Variants in GRIK1 observed in about 807,000 individuals in gnomAD.
GRIK1 encodes glutamate receptor ionotropic, kainate 1.
A neutral mutation model predicts 105.7 loss-of-function variants in GRIK1; 69 were observed. The observed-to-expected ratio is 0.65, with a 90% CI of 0.54 to 0.80. GRIK1 has a LOEUF of 0.80. GRIK1 is among the 30% of genes least tolerant of loss of function. The pLI is 0.00. For synonymous variants in GRIK1, 438 were observed against 431.3 expected (o/e 1.02, Z -0.19); for missense variants, 1,109 against 1,167.3 (o/e 0.95, Z 0.73).
intron 16 of GRIK1, 112 bp from the exon 17 acceptor site, chr21:29,537,996 GT>G (rs2089909668): frequency 3.2e-6 from 2 of 626,130 alleles, no homozygotes; most frequent in African/African-American, 3.7e-5. Flanking sequence ...AAATAATGTG[GT>G]ACTGAACTTC....
intron 1 of GRIK1, among the ~76,000 whole-genome samples, chr21:29,752,063 A>C (rs1319319607): frequency 6.6e-6 from 1 of 152,260 alleles, no homozygotes; most frequent in African/African-American, 2.4e-5. Flanking sequence ...AATAGTCTCT[A>C]GAGCTAGGGC....
intron 1 of GRIK1, among the ~76,000 whole-genome samples, chr21:29,881,788 C>T (rs2069418489): frequency 6.6e-6 from 1 of 152,106 alleles, no homozygotes; most frequent in Admixed American, 6.6e-5. Context: ...ATATAAAAGA[C>T]TTTTTATATT....
At chr21:29,610,593 G>C (rs922031026) in intron 7 of GRIK1, among the ~76,000 whole-genome samples, 21 of 152,266 alleles carry the variant, frequency 1.4e-4, no homozygotes, top group Non-Finnish European at 2.9e-4. Flanking sequence ...AAAGGCAAGG[G>C]AACTGATTTC....
intron 1 of GRIK1, among the ~76,000 whole-genome samples, chr21:29,793,756 T>C (rs2066486251): frequency 6.6e-6 from 1 of 152,214 alleles, no homozygotes; most frequent in African/African-American, 2.4e-5. Flanking sequence ...TTCAAATAAA[T>C]ACATTAAATA....
intron 1 of GRIK1, among the ~76,000 whole-genome samples, chr21:29,719,631 T>TC (rs1052130276): frequency 9.2e-5 from 14 of 152,186 alleles, no homozygotes; most frequent in Admixed American, 9.2e-4. Context: ...ATGGTCATCA[T>TC]CCCCTGCCAG....
Position 29,577,131 on chromosome 21 carries a change from A to G in GRIK1, c.1963T>C (p.Trp655Arg). The G allele has an allele frequency of 1.2e-6, 2 of 1,612,714 alleles. No homozygotes were observed. Among genetic ancestry groups the G allele is most frequent in the Non-Finnish European group, 1.7e-6 (2 of 1,178,728 alleles). Residue 655 changes from tryptophan to arginine, a missense_variant, in exon 14 of 18, where the codon TGG (tryptophan) becomes CGG (arginine). Trp to Arg is a moderately radical substitution (Grantham distance 101). Coordinates refer to ENST00000327783, the MANE Select transcript of GRIK1 (RefSeq NM_001330994.2). ...ATGATGATTAGGGTGAAAAACCACC[A>G]TATCCCTCCAACTATTCTGGTCGAT... ...ALSTRIVGGI[W>R]WFFTLIIISS...
intron 1 of GRIK1, among the ~76,000 whole-genome samples, chr21:29,892,754 C>T (rs2069949786): frequency 6.6e-6 from 1 of 152,206 alleles, no homozygotes; most frequent in Non-Finnish European, 1.5e-5. Flanking sequence ...AGAAGCTCTT[C>T]CTTTTTCTTT....
Position 29,536,991 on chromosome 21 carries a change from TG to T in GRIK1, c.*238del, listed in dbSNP as rs1555896537. ...TTAGAAAGCACACACAACAATTTATTGGGGAAAAAGAAAAAATGCAAAATAA... is the reference window on the plus strand; with the variant it reads ...TTAGAAAGCACACACAACAATTTATTGGGAAAAAGAAAAAATGCAAAATAA... On this transcript the variant is annotated 3_prime_UTR_variant, in exon 18 of 18. Coordinates refer to ENST00000327783, the MANE Select transcript of GRIK1 (RefSeq NM_001330994.2). 7.3e-6 allele frequency: 2 copies of T among 275,066 alleles called. No individual in the cohort carries two copies. The highest frequency in any genetic ancestry group is 1.3e-5 in the Non-Finnish European group (2 of 148,548). The allele number at this position is 275,066 out of a possible 1,614,324, so 17.0% of individuals were successfully genotyped here.
intron 4 of GRIK1, among the ~76,000 whole-genome samples, chr21:29,670,505 G>C (rs145643534): frequency 6.6e-6 from 1 of 152,116 alleles, no homozygotes; most frequent in Non-Finnish European, 1.5e-5. Context: ...TGAAATAGAA[G>C]AGAAAATCTA....
chr21:29,642,227 G>C (rs1312047998), intron 7 of GRIK1, among the ~76,000 whole-genome samples: 1 of 152,162 alleles, frequency 6.6e-6, no homozygotes, highest in African/African-American at 2.4e-5. Context: ...GAAAAGAAAA[G>C]GTGGAGGACA....
chr21:29,752,438 C>T (rs1028709917), intron 1 of GRIK1, among the ~76,000 whole-genome samples: 6 of 152,176 alleles, frequency 3.9e-5, no homozygotes, highest in African/African-American at 4.8e-5. Context: ...CAAAAGAGAA[C>T]GTCTGCTTCT....
chr21:29,702,650 G>T (rs1258660493), intron 1 of GRIK1, among the ~76,000 whole-genome samples: 1 of 152,192 alleles, frequency 6.6e-6, no homozygotes, highest in East Asian at 1.9e-4. Flanking sequence ...GGCGGAGGTT[G>T]CAGTGAGCCG....
intron 1 of GRIK1, among the ~76,000 whole-genome samples, chr21:29,845,433 G>C (rs956586665): frequency 2.6e-5 from 4 of 152,050 alleles, no homozygotes; most frequent in African/African-American, 9.7e-5. Flanking sequence ...TGTTTCTGTG[G>C]TTTTTATTTC....
chr21:29,642,717 C>T, intron 7 of GRIK1, 109 bp downstream of exon 7: 1 of 904,966 alleles, frequency 1.1e-6, no homozygotes, highest in South Asian at 1.7e-5. Context: ...ATGGCTTCCT[C>T]TCTCTTAGGG....
intron 1 of GRIK1, among the ~76,000 whole-genome samples, chr21:29,795,505 A>T (rs1269500508): frequency 6.6e-6 from 1 of 152,178 alleles, no homozygotes; most frequent in African/African-American, 2.4e-5. Context: ...TGATATCTTC[A>T]TCAAGTATTC....
chr21:29,815,035 G>A (rs1293137123), intron 1 of GRIK1, among the ~76,000 whole-genome samples: 1 of 152,106 alleles, frequency 6.6e-6, no homozygotes, highest in Non-Finnish European at 1.5e-5. Flanking sequence ...TTAATGCATG[G>A]AAATAATGCC....
intron 1 of GRIK1, among the ~76,000 whole-genome samples, chr21:29,768,765 C>T (rs1055779785): frequency 2.0e-5 from 3 of 152,138 alleles, no homozygotes; most frequent in African/African-American, 7.2e-5. Context: ...GATTTGAGCT[C>T]GTTCTGTTCA....
intron 1 of GRIK1, among the ~76,000 whole-genome samples, chr21:29,854,842 T>C (rs1309147350): frequency 6.6e-6 from 1 of 152,062 alleles, no homozygotes; most frequent in Non-Finnish European, 1.5e-5. Flanking sequence ...CAAGGGGTCA[T>C]CATTTGAGAT....
chr21:29,678,816 A>G (rs2063321268), intron 3 of GRIK1, among the ~76,000 whole-genome samples: 1 of 152,170 alleles, frequency 6.6e-6, no homozygotes, highest in African/African-American at 2.4e-5. Flanking sequence ...AGGTGAAAAG[A>G]GTCACTTATT....
Sources: gnomAD v4.1 joint callset for allele counts (sites outside exome capture counted in the v4.1 genomes callset) on GRCh38, gnomAD v4.1.1 for gene constraint, MANE v1.5 for transcripts, NCBI Gene and HGNC (gene_info 2026-07-23, HGNC 2026-07-21) for gene names.